OSBPL9: variants seen among roughly 807,000 people sequenced by gnomAD.
OSBPL9 encodes oxysterol binding protein like 9.
A neutral mutation model predicts 106.6 loss-of-function variants in OSBPL9; 40 were observed. The ratio of observed to expected loss-of-function variants is 0.38; its 90% CI spans 0.29 to 0.49. OSBPL9 has a LOEUF of 0.49. OSBPL9 is among the 20% of genes least tolerant of loss of function. The probability of loss-of-function intolerance (pLI) is 0.97; values close to 1 mark genes in which losing one functional copy is unlikely to be tolerated. For missense variants in OSBPL9, 609 were observed against 887.2 expected, an observed-to-expected ratio of 0.69 and a Z score of 3.98; for synonymous variants, 269 against 295.4, an observed-to-expected ratio of 0.91 and a Z score of 0.92.
At chr1:51,705,387 A>ATGTATG in intron 3 of OSBPL9, among the ~76,000 whole-genome samples, 2 of 48,028 alleles carry the variant, frequency 4.2e-5, no homozygotes, top group African/African-American at 1.9e-4. Context: ...ATATATATAT[A>ATGTATG]TATATATATA....
At chr1:51,521,804 C>A in the OSBPL9 span, among the ~76,000 whole-genome samples, 42,401 of 152,126 alleles carry the variant, frequency 0.28, 6,621 homozygotes, top group Middle Eastern at 0.39. Flanking sequence ...GTCACCCAGG[C>A]TGGAGTGCAA....
chr1:51,584,113 C>G (rs973336518), intron 1 of OSBPL9, among the ~76,000 whole-genome samples: 1 of 152,080 alleles, frequency 6.6e-6, no homozygotes, highest in Admixed American at 6.6e-5. Flanking sequence ...GCCTTAGCCC[C>G]GCAAGTAGAT....
chr1:51,710,748 T>C (rs1029422100), intron 3 of OSBPL9, among the ~76,000 whole-genome samples: 2 of 152,248 alleles, frequency 1.3e-5, no homozygotes, highest in African/African-American at 4.8e-5. Context: ...AATTGTTGTT[T>C]CTTTGAAAGT....
At chr1:51,540,609 G>T in the OSBPL9 span, among the ~76,000 whole-genome samples, 1 of 150,220 alleles carries the variant, frequency 6.7e-6, no homozygotes, top group East Asian at 2.0e-4. Flanking sequence ...GGCCAAGATA[G>T]CACCACTGCA....
chr1:51,519,925 TG>T, the OSBPL9 span, among the ~76,000 whole-genome samples: 1 of 152,330 alleles, frequency 6.6e-6, no homozygotes, highest in East Asian at 1.9e-4. Flanking sequence ...ATTTGCCTGG[TG>T]CCTGTCACAT....
intron 1 of OSBPL9, among the ~76,000 whole-genome samples, chr1:51,584,351 G>A (rs955861246): frequency 2.6e-5 from 4 of 152,118 alleles, no homozygotes; most frequent in Non-Finnish European, 4.4e-5. Flanking sequence ...TGTGACTTTA[G>A]GAAAACCATC....
At chr1:51,581,631 G>A (rs1000172241) in intron 1 of OSBPL9, among the ~76,000 whole-genome samples, 4 of 152,180 alleles carry the variant, frequency 2.6e-5, no homozygotes, top group African/African-American at 7.2e-5. Context: ...TACCCGTATG[G>A]ACTCATGGAT....
intron 4 of OSBPL9, among the ~76,000 whole-genome samples, chr1:51,743,134 T>C (rs530939206): frequency 2.0e-4 from 30 of 152,242 alleles, no homozygotes; most frequent in Non-Finnish European, 2.9e-4. Context: ...ACATAAATTT[T>C]CCTTTTAAAT....
chr1:51,566,350 C>T, the OSBPL9 span: 1 of 152,246 alleles, frequency 6.6e-6, no homozygotes, highest in African/African-American at 2.4e-5. Flanking sequence ...TTCTTGTCTT[C>T]CAGATCCTCT....
chr1:51,588,980 G>C (rs893602523), intron 1 of OSBPL9, among the ~76,000 whole-genome samples: 2 of 152,218 alleles, frequency 1.3e-5, no homozygotes, highest in African/African-American at 4.8e-5. Context: ...GACAGAGAGA[G>C]ATAGTAAGCA....
At chr1:51,704,736 G>C (rs2148863794) in intron 3 of OSBPL9, among the ~76,000 whole-genome samples, 1 of 152,200 alleles carries the variant, frequency 6.6e-6, no homozygotes, top group Non-Finnish European at 1.5e-5. Flanking sequence ...ATTAAAGAGG[G>C]TTCTACCTTC....
intron 3 of OSBPL9, among the ~76,000 whole-genome samples, chr1:51,691,929 T>G (rs1655052300): frequency 6.6e-6 from 1 of 152,150 alleles, no homozygotes; most frequent in African/African-American, 2.4e-5. Context: ...AACAATACCT[T>G]CTTCTGGAAT....
intron 22 of OSBPL9, among the ~76,000 whole-genome samples, 183 bp downstream of exon 22, chr1:51,786,800 G>A (rs1049906217): frequency 2.6e-5 from 4 of 152,122 alleles, no homozygotes; most frequent in African/African-American, 9.7e-5. Context: ...GGCTCAGTCA[G>A]CTAACTTCTC....
intron 4 of OSBPL9, among the ~76,000 whole-genome samples, chr1:51,716,900 C>A (rs1661164378): frequency 6.6e-6 from 1 of 152,064 alleles, no homozygotes; most frequent in African/African-American, 2.4e-5. Flanking sequence ...CAAAACTCCC[C>A]CCACCCACTT....
intron 4 of OSBPL9, among the ~76,000 whole-genome samples, chr1:51,742,298 C>T (rs1007258035): frequency 5.9e-5 from 9 of 152,262 alleles, no homozygotes; most frequent in Admixed American, 5.9e-4. Flanking sequence ...TCCCAGCTTA[C>T]TTGTTCTCAA....
chr1:51,719,555 T>C (rs1013306214), intron 4 of OSBPL9, among the ~76,000 whole-genome samples: 7 of 152,168 alleles, frequency 4.6e-5, no homozygotes, highest in Non-Finnish European at 1.0e-4. Flanking sequence ...CCTGTAGGTT[T>C]TATAGTTTCC....
intron 23 of OSBPL9, 65 bp downstream of exon 23, chr1:51,787,553 G>A: frequency 3.7e-6 from 6 of 1,607,980 alleles, no homozygotes; most frequent in Non-Finnish European, 5.1e-6. Context: ...GAATGTTGAA[G>A]AAGTGATGTG....
At chr1:51,736,314 G>C (rs1424784456) in intron 4 of OSBPL9, among the ~76,000 whole-genome samples, 1 of 152,182 alleles carries the variant, frequency 6.6e-6, no homozygotes, top group African/African-American at 2.4e-5. Context: ...GCTAAAATTA[G>C]ATATACGAAG....
chr1:51,585,632 C>T (rs1377717310), intron 1 of OSBPL9, among the ~76,000 whole-genome samples: 7 of 151,858 alleles, frequency 4.6e-5, no homozygotes, highest in Admixed American at 4.6e-4. Context: ...AAAAATTGGC[C>T]CTGCGTGGTG....
Sources: allele counts gnomAD v4.1 joint callset (sites outside exome capture counted in the v4.1 genomes callset), GRCh38; gene constraint gnomAD v4.1.1; transcripts MANE v1.5; gene names NCBI Gene and HGNC (gene_info 2026-07-23, HGNC 2026-07-21).